ASXL3: variants seen among roughly 807,000 people sequenced by gnomAD.
ASXL3 encodes putative Polycomb group protein ASXL3.
A neutral mutation model predicts 170.6 loss-of-function variants in ASXL3; 34 were observed. The observed-to-expected ratio is 0.20, with a 90% CI of 0.15 to 0.27. The LOEUF (loss-of-function observed/expected upper bound fraction) is 0.27. Among genes scored for constraint, ASXL3 ranks in the 10% least tolerant of loss-of-function variants. The pLI, the probability that ASXL3 is intolerant of heterozygous loss-of-function variation, is 1.00. For missense variants in ASXL3, 2,592 were observed against 2,695.3 expected (o/e 0.96, Z 0.85); for synonymous variants, 1,002 against 989.1 (o/e 1.01, Z -0.24).
intron 1 of ASXL3, among the ~76,000 whole-genome samples, chr18:33,579,898 A>G (rs1178297830): frequency 6.6e-6 from 1 of 152,210 alleles, no homozygotes; most frequent in Middle Eastern, 3.2e-3. Flanking sequence ...CATTTTGAAA[A>G]GCATTTGAGT....
At chr18:33,730,747 A>C (rs968992956) in intron 8 of ASXL3, among the ~76,000 whole-genome samples, 1 of 152,194 alleles carries the variant, frequency 6.6e-6, no homozygotes, top group Admixed American at 6.5e-5. Context: ...ATTGCCAGTG[A>C]ATTTCCAGCA....
rs1262044219 is a variant in ASXL3 at position 33,596,475 on chromosome 18, A to G, written c.55-11119A>G. On this transcript the variant is annotated intron_variant, in intron 1 of 11. Coordinates refer to ENST00000269197, the MANE Select transcript of ASXL3 (RefSeq NM_030632.3). ...TATTAACTGTGACAAAATAAACATC[A>G]TTGTTATTCAACATTTAAGTAGGCA... Among the ~76,000 whole-genome samples the G allele has an allele frequency of 2.6e-5, 4 of 152,212 alleles. No homozygotes were observed. The South Asian group carries it at 8.3e-4, about 32-fold the overall frequency.
At chr18:33,619,805 T>C (rs1186801230) in intron 2 of ASXL3, among the ~76,000 whole-genome samples, 1 of 152,172 alleles carries the variant, frequency 6.6e-6, no homozygotes, top group Non-Finnish European at 1.5e-5. Flanking sequence ...TGTCAATTTC[T>C]ACACTTGTGG....
intron 8 of ASXL3, among the ~76,000 whole-genome samples, chr18:33,694,916 G>A (rs1478786879): frequency 6.6e-6 from 1 of 152,110 alleles, no homozygotes; most frequent in African/African-American, 2.4e-5. Flanking sequence ...TTACAGCACA[G>A]GAGAATGTGA....
chr18:33,590,111 G>GTTTTTTTTTTTTTTTTTTTTTTTTTT (rs567969303), intron 1 of ASXL3, among the ~76,000 whole-genome samples: 47 of 83,158 alleles, frequency 5.7e-4, no homozygotes, highest in African/African-American at 2.3e-3. Context: ...TGCTTTCTAT[G>GTTTTTTTTTTTTTTTTTTTTTTTTTT]TTTTTTTTTT....
chr18:33,739,480 A>T lies in ASXL3; in HGVS notation c.2076A>T (p.Ala692=). The change falls in exon 11 of 12, where the codon GCA becomes GCT. Residue 692 remains alanine, a synonymous_variant. Transcript: ENST00000269197. Reference sequence around the variant, plus strand: ...CCACTTCACCTGAAATATCAGAAGCATCTCTTATGTCCAACTTACCATTAA... The same window carrying T: ...CCACTTCACCTGAAATATCAGAAGCTTCTCTTATGTCCAACTTACCATTAA... ...PISTSPEISE[A]SLMSNLPLTS... The T allele has an allele frequency of 6.2e-7, 1 of 1,613,978 alleles. No homozygotes were observed. The highest frequency in any genetic ancestry group is 8.5e-7 in the Non-Finnish European group (1 of 1,179,878).
At chr18:33,693,216 GT>G (rs1385103681) in intron 8 of ASXL3, among the ~76,000 whole-genome samples, 2 of 152,130 alleles carry the variant, frequency 1.3e-5, no homozygotes, top group Non-Finnish European at 2.9e-5. Flanking sequence ...TTGGTATTAT[GT>G]TTATTGTGCA....
At chr18:33,664,619 T>TA (rs557027642) in intron 5 of ASXL3, among the ~76,000 whole-genome samples, 2 of 151,836 alleles carry the variant, frequency 1.3e-5, no homozygotes, top group Non-Finnish European at 2.9e-5. Context: ...ATAAGTGGAG[T>TA]AAAAAAAATA....
chr18:33,692,274 C>G (rs12454561), intron 8 of ASXL3, among the ~76,000 whole-genome samples: 1 of 151,874 alleles, frequency 6.6e-6, no homozygotes, highest in East Asian at 1.9e-4. Flanking sequence ...GCAGGACATA[C>G]GTATAATTAT....
chr18:33,586,661 G>A (rs570099102), intron 1 of ASXL3, among the ~76,000 whole-genome samples: 112 of 150,912 alleles, frequency 7.4e-4, no homozygotes, highest in African/African-American at 2.5e-3. Context: ...CTTTATTCTC[G>A]TCGCCCCACA....
rs2064965165 is a variant in ASXL3 at position 33,578,564 on chromosome 18, G to T, written c.-68G>T. The T allele has an allele frequency of 9.6e-7, 1 of 1,041,788 alleles. No individual in the cohort carries two copies. Among genetic ancestry groups the T allele is most frequent in the Non-Finnish European group, 1.2e-6 (1 of 805,640 alleles). The allele number at this position is 1,041,788 out of a possible 1,614,324, so 64.5% of individuals were successfully genotyped here. The stretch of plus-strand genomic sequence containing the variant: ...ACCGGGTCACTGGGTCATTGTCTCC[G>T]CGCCCGAACCCCGAGCACCCCGTGG... On this transcript the variant is annotated 5_prime_UTR_variant, in exon 1 of 12. Transcript: ENST00000269197.
chr18:33,737,322 T>C (rs1215400889), intron 10 of ASXL3, among the ~76,000 whole-genome samples: 1 of 152,188 alleles, frequency 6.6e-6, no homozygotes, highest in Non-Finnish European at 1.5e-5. Flanking sequence ...ACTGAGGTAT[T>C]GTTTGCATCA....
chr18:33,641,531 T>A (rs1266809057), intron 2 of ASXL3, among the ~76,000 whole-genome samples: 1 of 152,076 alleles, frequency 6.6e-6, no homozygotes, highest in Non-Finnish European at 1.5e-5. Flanking sequence ...CTAGTTATAT[T>A]TATTATATAG....
intron 8 of ASXL3, among the ~76,000 whole-genome samples, chr18:33,711,389 C>G (rs1371949832): frequency 1.3e-5 from 2 of 152,106 alleles, no homozygotes; most frequent in South Asian, 4.1e-4. Flanking sequence ...TGATCTTCTT[C>G]CAAAATTTGG....
Position 33,744,833 on chromosome 18 carries a change from C to A in ASXL3, c.4985C>A (p.Thr1662Lys), listed in dbSNP as rs745921677. ...VSELHPRNLV[T>K]NVALPVKSEL... ...GAACTTCATCCCAGGAATCTTGTAA[C>A]AAATGTTGCTCTTCCTGTGAAATCT... Residue 1662 changes from threonine to lysine, a missense_variant, in exon 12 of 12, where the codon ACA (threonine) becomes AAA (lysine). Thr to Lys is a moderately conservative substitution (Grantham distance 78). Around this residue, in one of 4 missense-constraint regions of ASXL3, gnomAD observed 2,246 missense variants for 2,219.6 expected, o/e 1.01. Transcript: ENST00000269197. 4 of 1,614,040 alleles carry A rather than the reference C, an allele frequency of 2.5e-6. No homozygotes were observed. The South Asian group carries it at 4.4e-5, about 18-fold the overall frequency.
intron 1 of ASXL3, among the ~76,000 whole-genome samples, chr18:33,603,282 A>G (rs2065204141): frequency 6.6e-6 from 1 of 152,014 alleles, no homozygotes; most frequent in Admixed American, 6.6e-5. Flanking sequence ...TGCTTGAGCC[A>G]GTGTTCCTGG....
At chr18:33,691,937 G>C (rs1568331253) in intron 8 of ASXL3, among the ~76,000 whole-genome samples, 1 of 152,144 alleles carries the variant, frequency 6.6e-6, no homozygotes. Context: ...GCTCTAAACG[G>C]TATTATCAAC....
chr18:33,666,099 G>A (rs1405495689), intron 5 of ASXL3, among the ~76,000 whole-genome samples: 1 of 152,166 alleles, frequency 6.6e-6, no homozygotes, highest in East Asian at 1.9e-4. Context: ...CATATGACCG[G>A]CTTGAAGGTA....
chr18:33,607,791 C>A, intron 2 of ASXL3, 115 bp downstream of exon 2: 1 of 784,312 alleles, frequency 1.3e-6, no homozygotes, highest in Non-Finnish European at 2.0e-6. Flanking sequence ...AATTAACTCC[C>A]CACAAATTCT....
Sources: gnomAD v4.1 joint callset for allele counts (sites outside exome capture counted in the v4.1 genomes callset) on GRCh38, gnomAD v4.1.1 for gene constraint, gnomAD v4.1.1 regional missense constraint, MANE v1.5 for transcripts, NCBI Gene and HGNC (gene_info 2026-07-23, HGNC 2026-07-21) for gene names.